Variants in WWTR1 observed in about 807,000 individuals in gnomAD.
WWTR1 encodes the protein WW domain-containing transcription regulator protein 1.
WWTR1 carries 13 observed loss-of-function variants against 40.1 expected under a neutral mutation model. The observed-to-expected ratio is 0.32, with a 90% confidence interval of 0.21 to 0.52. The LOEUF is 0.52. Among genes scored for constraint, WWTR1 ranks in the 20% least tolerant of loss-of-function variants. The pLI, the probability that WWTR1 is intolerant of heterozygous loss-of-function variation, is 0.97. For synonymous variants in WWTR1, 230 were observed against 210.1 expected (o/e 1.09, Z -0.82); for missense variants, 436 against 523.1 (o/e 0.83, Z 1.63).
rs796483232 is a variant in WWTR1, at chr3:149,678,420, T to C, written c.-107-8529A>G. 3.3e-5 allele frequency among the ~76,000 whole-genome samples: 5 copies of C among 152,300 alleles called. No homozygotes were observed. In the South Asian group the frequency reaches 8.3e-4, roughly 25 times the overall value. ...CCCCTGGCAGTTCTGCAGGCCCTTTTTCCATAATGGCCAGTAGTACATTCT... is the reference window on the plus strand; with the variant it reads ...CCCCTGGCAGTTCTGCAGGCCCTTTCTCCATAATGGCCAGTAGTACATTCT... On this transcript the variant is annotated intron_variant, in intron 1 of 7. Coordinates refer to the WWTR1 transcript ENST00000465804.
intron 2 of WWTR1, among the ~76,000 whole-genome samples, chr3:149,645,272 G>A (rs968560624): frequency 1.3e-5 from 2 of 151,282 alleles, no homozygotes; most frequent in Non-Finnish European, 2.9e-5. Flanking sequence ...GTAGAGATGG[G>A]GTTTCACCGT....
Position 149,699,518 on chromosome 3 carries a change from C to T in WWTR1, c.-108+3606G>A, listed in dbSNP as rs567168580. ...ATGTTGGTCAGGCTGGTCTTGAACTCCCAACCTCAGGTTATCTGCCTGCCT... is the reference window on the plus strand; with the variant it reads ...ATGTTGGTCAGGCTGGTCTTGAACTTCCAACCTCAGGTTATCTGCCTGCCT... On this transcript the variant is annotated intron_variant, in intron 1 of 7. Transcript: ENST00000465804. Among the ~76,000 whole-genome samples, 6 of 152,236 alleles carry T rather than the reference C, an allele frequency of 3.9e-5. No individual in the cohort carries two copies. In the South Asian group the frequency reaches 1.0e-3, roughly 26 times the overall value.
intron 4 of WWTR1, among the ~76,000 whole-genome samples, chr3:149,539,827 C>A (rs982117656): frequency 6.6e-6 from 1 of 152,022 alleles, no homozygotes; most frequent in Non-Finnish European, 1.5e-5. Flanking sequence ...AAACACAGAG[C>A]CCACACCTGA....
rs943328614 is a variant in WWTR1 at position 149,518,544 on chromosome 3, T to G, written c.*2261A>C. 4 of 152,164 alleles carry G rather than the reference T, an allele frequency of 2.6e-5. No homozygotes were observed. The highest frequency in any genetic ancestry group is 4.4e-5 in the Non-Finnish European group (3 of 68,026). 9.4% of individuals were successfully genotyped at this position (152,164 alleles called of 1,614,324 possible). A position where few individuals can be genotyped will look rare whatever the true frequency, so the allele number is the denominator to read the frequency against. On this transcript the variant is annotated 3_prime_UTR_variant, in exon 7 of 7. Coordinates refer to ENST00000360632, the MANE Select transcript of WWTR1 (RefSeq NM_015472.6). ...CAAAAAGAAATAGTGCTCCCTTCAA[T>G]TTAGTAGCAATAAAATCATCTATCT...
At position 149,572,897 on chromosome 3, in the gene WWTR1, G is replaced by T; in HGVS notation, c.535C>A (p.Gln179Lys). The change falls in exon 3 of 7, where the codon CAG becomes AAG. Residue 179 changes from glutamine to lysine, a missense_variant. Transcript: ENST00000360632. ...HPAVSSTPVP[Q>K]RSMAVSQPNL... ...GGCTGGGATACTGCCATGGACCTCT[G>T]AGGCACTGGTGTGGAACTGACGGCA... The T allele has an allele frequency of 6.2e-7, 1 of 1,613,906 alleles. No homozygotes were observed. Among genetic ancestry groups the T allele is most frequent in the Non-Finnish European group, 8.5e-7 (1 of 1,179,980 alleles).
At chr3:149,634,294 C>G (rs1711700847) in intron 2 of WWTR1, among the ~76,000 whole-genome samples, 1 of 152,146 alleles carries the variant, frequency 6.6e-6, no homozygotes, top group Admixed American at 6.5e-5. Context: ...GTGTTTCTGT[C>G]AGAGTTCTTG....
At chr3:149,575,208 A>C (rs955319959) in intron 2 of WWTR1, among the ~76,000 whole-genome samples, 1 of 152,224 alleles carries the variant, frequency 6.6e-6, no homozygotes, top group African/African-American at 2.4e-5. Context: ...CAGTTTCACA[A>C]TTGTAGTTCT....
chr3:149,529,886 T>C (rs771481734), intron 4 of WWTR1, among the ~76,000 whole-genome samples: 10 of 152,184 alleles, frequency 6.6e-5, no homozygotes, highest in Non-Finnish European at 5.9e-5. Context: ...ATCTTTTGAC[T>C]CATAACCCTC....
chr3:149,634,444 G>T (rs1711709036), intron 2 of WWTR1, among the ~76,000 whole-genome samples: 1 of 152,158 alleles, frequency 6.6e-6, no homozygotes, highest in Admixed American at 6.5e-5. Flanking sequence ...GTAAGGAAAA[G>T]CCTCATTATC....
intron 1 of WWTR1, among the ~76,000 whole-genome samples, chr3:149,671,999 G>A (rs1228829173): frequency 6.6e-6 from 1 of 152,114 alleles, no homozygotes; most frequent in Admixed American, 6.5e-5. Flanking sequence ...ACCACATAGT[G>A]ATGAGGGGAA....
At chr3:149,670,734 A>T (rs959717538) in intron 1 of WWTR1, 6 of 151,974 alleles carry the variant, frequency 3.9e-5, no homozygotes, top group South Asian at 2.1e-4. Context: ...AGAAACAGAT[A>T]AAAAAAAGAA....
chr3:149,678,021 T>C (rs958841630), intron 1 of WWTR1, among the ~76,000 whole-genome samples: 3 of 151,930 alleles, frequency 2.0e-5, no homozygotes, highest in Admixed American at 6.6e-5. Flanking sequence ...TCCACCTGTT[T>C]TGGCCTCTCA....
At chr3:149,542,668 C>T (rs1375385212) in intron 3 of WWTR1, 131 bp from the exon 4 acceptor site, 2 of 974,562 alleles carry the variant, frequency 2.1e-6, no homozygotes, top group African/African-American at 3.3e-5. Flanking sequence ...TCCTGTTAAC[C>T]ATTACTGTTT....
At chr3:149,530,209 T>C (rs1576539438) in intron 4 of WWTR1, among the ~76,000 whole-genome samples, 1 of 152,072 alleles carries the variant, frequency 6.6e-6, no homozygotes, top group South Asian at 2.1e-4. Context: ...TAGCCGGGTG[T>C]GGTGGCATGC....
intron 2 of WWTR1, among the ~76,000 whole-genome samples, chr3:149,582,824 G>A (rs912401513): frequency 1.1e-4 from 16 of 152,104 alleles, no homozygotes; most frequent in Non-Finnish European, 2.4e-4. Flanking sequence ...TCTATTTCAC[G>A]ATATTATTTC....
chr3:149,564,589 C>G (rs1285581624), intron 3 of WWTR1, among the ~76,000 whole-genome samples: 1 of 151,356 alleles, frequency 6.6e-6, no homozygotes, highest in Non-Finnish European at 1.5e-5. Flanking sequence ...TAACTATAAT[C>G]ACTATTAACA....
intron 2 of WWTR1, among the ~76,000 whole-genome samples, chr3:149,588,329 GC>G (rs1367542208): frequency 6.6e-6 from 1 of 152,220 alleles, no homozygotes; most frequent in African/African-American, 2.4e-5. Flanking sequence ...CAGCAAACCA[GC>G]TCTTGAGTTC....
intron 2 of WWTR1, among the ~76,000 whole-genome samples, chr3:149,635,268 A>C (rs1711757590): frequency 6.6e-6 from 1 of 152,206 alleles, no homozygotes; most frequent in African/African-American, 2.4e-5. Context: ...TAATTACTAA[A>C]AATCTCCCTT....
chr3:149,539,787 C>A (rs1023693806), intron 4 of WWTR1, among the ~76,000 whole-genome samples: 2 of 152,002 alleles, frequency 1.3e-5, no homozygotes, highest in Non-Finnish European at 2.9e-5. Context: ...CAGAAAATCA[C>A]CAAAAGAGTT....
Sources: gnomAD v4.1 joint callset for allele counts (sites outside exome capture counted in the v4.1 genomes callset) on GRCh38, gnomAD v4.1.1 for gene constraint, MANE v1.5 for transcripts, NCBI Gene and HGNC (gene_info 2026-07-23, HGNC 2026-07-21) for gene names.